Variants in GRIA4 observed in about 807,000 individuals in gnomAD.
The protein encoded by GRIA4 is glutamate ionotropic receptor AMPA type subunit 4.
A neutral mutation model predicts 104.0 loss-of-function variants in GRIA4; 34 were observed. That is an observed-to-expected ratio of 0.33 (90% CI 0.25 to 0.44). The LOEUF (loss-of-function observed/expected upper bound fraction) is 0.44. Among genes scored for constraint, GRIA4 ranks in the 20% least tolerant of loss-of-function variants. The pLI, the probability that GRIA4 is intolerant of heterozygous loss-of-function variation, is 1.00. For synonymous variants in GRIA4, 386 were observed against 381.9 expected (o/e 1.01, Z -0.13); for missense variants, 750 against 1,096.5 (o/e 0.68, Z 4.46).
Position 105,921,303 on chromosome 11 carries a change from TTGGG to T in GRIA4, c.1476+2388_1476+2391del, listed in dbSNP as rs1386010448. ...GTCATTTCCTTGGCCTCTACCACACTTGGGTGTGTGTGTGTGTGTGTGTGTGTGT... is the reference window on the plus strand; with the variant it reads ...GTCATTTCCTTGGCCTCTACCACACTTGTGTGTGTGTGTGTGTGTGTGTGT... On this transcript the variant is annotated intron_variant, in intron 11 of 16. Coordinates refer to ENST00000282499, the MANE Select transcript of GRIA4 (RefSeq NM_000829.4). Among the ~76,000 whole-genome samples the T allele has an allele frequency of 5.2e-3, 620 of 118,134 alleles. 1 individual carries two copies. The highest frequency in any genetic ancestry group is 8.2e-3 in the Non-Finnish European group (449 of 54,926). The allele number at this position is 118,134 out of a possible 152,430, so 77.5% of individuals were successfully genotyped here.
At chr11:105,614,385 T>C (rs577460764) in intron 3 of GRIA4, 2 of 152,006 alleles carry the variant, frequency 1.3e-5, no homozygotes, top group Non-Finnish European at 2.9e-5. Flanking sequence ...ACTAGTATTA[T>C]TTTATTTATG....
At chr11:105,711,560 G>A (rs897141835) in intron 3 of GRIA4, among the ~76,000 whole-genome samples, 3 of 151,980 alleles carry the variant, frequency 2.0e-5, no homozygotes, top group East Asian at 1.9e-4. Flanking sequence ...TCTCACCGGC[G>A]AAATAACCTG....
chr11:105,960,146 G>A (rs1948698886), intron 14 of GRIA4, among the ~76,000 whole-genome samples: 3 of 152,382 alleles, frequency 2.0e-5, no homozygotes, highest in South Asian at 4.1e-4. Context: ...CCTTGGTGGA[G>A]AGGGTGTGTT....
chr11:105,631,463 CCCAGATTAGACTCA>C (rs1297574871), intron 3 of GRIA4, among the ~76,000 whole-genome samples: 1 of 152,086 alleles, frequency 6.6e-6, no homozygotes, highest in African/African-American at 2.4e-5. Context: ...CTTTGGCAGC[CCCAGATTAGACTCA>C]ACAACTGTGA....
At chr11:105,737,442 G>A (rs908678612) in intron 3 of GRIA4, among the ~76,000 whole-genome samples, 1 of 151,560 alleles carries the variant, frequency 6.6e-6, no homozygotes, top group Non-Finnish European at 1.5e-5. Flanking sequence ...TCTGTTCCAG[G>A]ATTTTTTGCA....
chr11:105,625,807 T>C lies in GRIA4; in HGVS notation c.247+13373T>C, dbSNP rs535557927. 2.5e-4 allele frequency among the ~76,000 whole-genome samples: 38 copies of C among 152,260 alleles called. 1 individual carries two copies. The South Asian group carries it at 7.9e-3, about 31-fold the overall frequency. On this transcript the variant is annotated intron_variant, in intron 3 of 16. Coordinates refer to ENST00000282499, the MANE Select transcript of GRIA4 (RefSeq NM_000829.4). ...AAGTCTATGCTCACACTCTGCTCTT[T>C]TTTCCACACAAATTGCTACAAATTA...
At position 105,926,833 on chromosome 11, in the gene GRIA4, C is replaced by A; in HGVS notation, c.1940C>A (p.Thr647Lys). The part of the protein sequence containing the change: ...SYTANLAAFL[T>K]VERMVSPIES... Reference sequence around the variant, plus strand: ...ACTGCTAACCTCGCTGCTTTCCTGACGGTTGAGCGAATGGTCTCTCCCATA... The same window carrying A: ...ACTGCTAACCTCGCTGCTTTCCTGAAGGTTGAGCGAATGGTCTCTCCCATA... Residue 647 changes from threonine to lysine, a missense_variant, in exon 13 of 17, where the codon ACG (threonine) becomes AAG (lysine). Thr to Lys is a moderately conservative substitution (Grantham distance 78, BLOSUM62 -1). Around this residue, in one of 3 missense-constraint regions of GRIA4, gnomAD observed 272 missense variants for 524.5 expected, o/e 0.52. Transcript: ENST00000282499. The A allele has an allele frequency of 6.2e-7, 1 of 1,609,884 alleles. No homozygotes were observed. The highest frequency in any genetic ancestry group is 8.5e-7 in the Non-Finnish European group (1 of 1,176,444).
chr11:105,849,332 A>G (rs1389774356), intron 4 of GRIA4, among the ~76,000 whole-genome samples: 2 of 152,220 alleles, frequency 1.3e-5, no homozygotes, highest in Admixed American at 1.3e-4. Flanking sequence ...TCTAATACCA[A>G]TACAGAGCAA....
intron 4 of GRIA4, among the ~76,000 whole-genome samples, chr11:105,766,594 T>C (rs962795064): frequency 8.5e-5 from 13 of 152,136 alleles, no homozygotes; most frequent in African/African-American, 3.1e-4. Context: ...CTTAGTTTTG[T>C]TTGACAACTT....
chr11:105,935,151 C>T (rs570240044), intron 14 of GRIA4, among the ~76,000 whole-genome samples: 1 of 152,120 alleles, frequency 6.6e-6, no homozygotes, highest in African/African-American at 2.4e-5. Flanking sequence ...GAAACAAACA[C>T]CAGTAATGGA....
intron 3 of GRIA4, among the ~76,000 whole-genome samples, chr11:105,708,497 G>A (rs1424254705): frequency 6.6e-6 from 1 of 151,858 alleles, no homozygotes; most frequent in Non-Finnish European, 1.5e-5. Flanking sequence ...TAACTCCATG[G>A]TTATGTTGTT....
At chr11:105,921,524 A>T (rs974017415) in intron 11 of GRIA4, among the ~76,000 whole-genome samples, 1 of 152,090 alleles carries the variant, frequency 6.6e-6, no homozygotes, top group Non-Finnish European at 1.5e-5. Context: ...TATCTCTACT[A>T]GTCTCTTTCT....
At chr11:105,780,935 T>TCA (rs964376318) in intron 4 of GRIA4, among the ~76,000 whole-genome samples, 13 of 151,814 alleles carry the variant, frequency 8.6e-5, no homozygotes, top group African/African-American at 3.1e-4. Flanking sequence ...TGCCTTTCTT[T>TCA]CACACACACA....
intron 4 of GRIA4, among the ~76,000 whole-genome samples, chr11:105,832,490 A>T (rs1466805887): frequency 2.6e-5 from 4 of 151,718 alleles, no homozygotes; most frequent in African/African-American, 9.7e-5. Flanking sequence ...ACTTTATCTA[A>T]TTTGTTCTCT....
intron 14 of GRIA4, among the ~76,000 whole-genome samples, chr11:105,954,490 C>T (rs777839368): frequency 1.6e-4 from 25 of 152,146 alleles, no homozygotes; most frequent in Non-Finnish European, 3.2e-4. Flanking sequence ...CATCATCTTA[C>T]ACCCAGAGAT....
intron 3 of GRIA4, among the ~76,000 whole-genome samples, chr11:105,662,677 A>T (rs771631640): frequency 6.6e-6 from 1 of 151,964 alleles, no homozygotes; most frequent in Non-Finnish European, 1.5e-5. Context: ...AGACAGATGG[A>T]AAATAATATG....
chr11:105,934,494 A>G (rs1225791921), intron 14 of GRIA4, among the ~76,000 whole-genome samples: 3 of 152,134 alleles, frequency 2.0e-5, no homozygotes, highest in Non-Finnish European at 4.4e-5. Flanking sequence ...ATCTATTTAT[A>G]AAAGCAATCA....
chr11:105,925,433 G>GA (rs1947678985), intron 12 of GRIA4, among the ~76,000 whole-genome samples: 1 of 152,006 alleles, frequency 6.6e-6, no homozygotes, highest in East Asian at 1.9e-4. Context: ...TCTTTTGCAA[G>GA]AAAAAATGCC....
chr11:105,894,270 G>GA (rs1251216749), intron 6 of GRIA4, among the ~76,000 whole-genome samples: 4 of 152,064 alleles, frequency 2.6e-5, no homozygotes, highest in Non-Finnish European at 5.9e-5. Context: ...AGTATAAGGT[G>GA]AAAAAGACAA....
Sources: allele counts gnomAD v4.1 joint callset (sites outside exome capture counted in the v4.1 genomes callset), GRCh38; gene constraint gnomAD v4.1.1; regional missense constraint gnomAD v4.1.1; transcripts MANE v1.5; gene names NCBI Gene and HGNC (gene_info 2026-07-23, HGNC 2026-07-21).